PREPL: variants seen among roughly 807,000 people sequenced by gnomAD.
PREPL encodes the protein prolyl endopeptidase like, also known as prolyl endopeptidase-like.
Under a neutral mutation model 70.6 loss-of-function variants are expected in PREPL, and 77 were observed. That is an observed-to-expected ratio of 1.09 (90% confidence interval 0.91 to 1.32). PREPL has a LOEUF of 1.32. Among genes scored for constraint, PREPL ranks in the 40% most tolerant of loss-of-function variants. The pLI is 0.00. For missense variants in PREPL, 1,002 were observed against 778.2 expected, an observed-to-expected ratio of 1.29 and a Z score of -3.42; for synonymous variants, 315 against 264.8, an observed-to-expected ratio of 1.19 and a Z score of -1.84.
At chr2:44,345,567 T>TG (rs1470971968) in intron 2 of PREPL, among the ~76,000 whole-genome samples, 3 of 152,008 alleles carry the variant, frequency 2.0e-5, no homozygotes, top group Non-Finnish European at 4.4e-5. Context: ...AGGCTGGTCT[T>TG]GAACTCTTGA....
intron 2 of PREPL, among the ~76,000 whole-genome samples, chr2:44,345,900 G>A (rs1197436008): frequency 2.6e-5 from 4 of 152,116 alleles, no homozygotes; most frequent in Admixed American, 2.6e-4. Context: ...TCAGCACTTT[G>A]GGAGGCTGAG....
In PREPL at chr2:44,320,380, G is replaced by T; in HGVS notation, c.*976C>A. The T allele has an allele frequency of 1.2e-6, 2 of 1,614,018 alleles. No individual in the cohort carries two copies. The highest frequency in any genetic ancestry group is 1.7e-6 in the Non-Finnish European group (2 of 1,179,928). On this transcript the variant is annotated 3_prime_UTR_variant, in exon 14 of 14. Transcript: ENST00000409411. Reference sequence around the variant, plus strand: ...ATCTTTATCGTGGTTCTGAATTTTGGAGAATCAACACTGTTAAATCTACAT... The same window carrying T: ...ATCTTTATCGTGGTTCTGAATTTTGTAGAATCAACACTGTTAAATCTACAT...
intron 1 of PREPL, among the ~76,000 whole-genome samples, chr2:44,352,727 G>A (rs1163846640): frequency 1.3e-5 from 2 of 151,738 alleles, no homozygotes; most frequent in Non-Finnish European, 2.9e-5. Context: ...AATTCAGACA[G>A]CATAAAACAT....
chr2:44,330,310 G>A (rs1440422471), intron 8 of PREPL, among the ~76,000 whole-genome samples: 1 of 152,184 alleles, frequency 6.6e-6, no homozygotes, highest in Non-Finnish European at 1.5e-5. Flanking sequence ...AAATGCCTGT[G>A]GAAAGGTATA....
intron 1 of PREPL, among the ~76,000 whole-genome samples, chr2:44,358,067 T>A (rs112297940): frequency 1.3e-5 from 2 of 152,112 alleles, no homozygotes; most frequent in East Asian, 3.8e-4. Flanking sequence ...TCAGCTAAGA[T>A]AGCGGCAAAA....
chr2:44,337,217 C>CCCCT (rs1360463309), intron 7 of PREPL, among the ~76,000 whole-genome samples: 3 of 152,174 alleles, frequency 2.0e-5, no homozygotes, highest in African/African-American at 7.2e-5. Context: ...GGAATACCAT[C>CCCCT]CCCTCTCCAC....
intron 2 of PREPL, 114 bp from the exon 3 acceptor site, chr2:44,344,700 G>C: frequency 1.5e-6 from 1 of 665,742 alleles, no homozygotes. Context: ...ACCTGTTGAA[G>C]TATATGAATG....
intron 5 of PREPL, 67 bp downstream of exon 5, chr2:44,342,350 A>G: frequency 7.1e-7 from 1 of 1,402,406 alleles, no homozygotes; most frequent in Non-Finnish European, 9.6e-7. Flanking sequence ...AAGTCAACCA[A>G]AGTCAGTACT....
In PREPL at chr2:44,323,385, G is replaced by A. The variant is rs540005131; in HGVS notation, c.1506C>T (p.Thr502=). 1 of 1,600,214 alleles carries A rather than the reference G, an allele frequency of 6.2e-7. No individual in the cohort carries two copies. Among genetic ancestry groups the A allele is most frequent in the South Asian group, 1.1e-5 (1 of 88,432 alleles). The change falls in exon 11 of 14, where the codon ACC becomes ACT. Residue 502 remains threonine (T), a synonymous_variant. Transcript: ENST00000409411. ...TCAGAGGAAGTGTAGTGTCCATCATGGTGTTGAGAACATCCAAGAAAGGTG... is the reference window on the plus strand; with the variant it reads ...TCAGAGGAAGTGTAGTGTCCATCATAGTGTTGAGAACATCCAAGAAAGGTG... ...LEAPFLDVLN[T]MMDTTLPLTL... is the part of the protein sequence containing the mutation.
intron 1 of PREPL, among the ~76,000 whole-genome samples, chr2:44,355,136 G>C (rs2582918): frequency 0.67 from 101,519 of 151,840 alleles, 34,533 homozygotes; most frequent in African/African-American, 0.74. Flanking sequence ...ATTCTCAACA[G>C]CCTCCAATCA....
chr2:44,320,232 T>G lies in PREPL; in HGVS notation c.*1124A>C. On this transcript the variant is annotated 3_prime_UTR_variant, in exon 14 of 14. Coordinates refer to ENST00000409411, the MANE Select transcript of PREPL (RefSeq NM_001171613.2). ...GACTCAGCCCAGATCGGCTTTGAAG[T>G]TATATCAAGATTTAAGTCTACTTCA... is the stretch of plus-strand genomic sequence containing the variant. 6.2e-7 allele frequency: 1 copy of G among 1,613,982 alleles called. No homozygotes were observed. Among genetic ancestry groups the G allele is most frequent in the South Asian group, 1.1e-5 (1 of 91,048 alleles).
chr2:44,332,258 A>G (rs975941861), intron 8 of PREPL, among the ~76,000 whole-genome samples: 2 of 152,130 alleles, frequency 1.3e-5, no homozygotes, highest in Admixed American at 6.5e-5. Context: ...CATGCTATAA[A>G]TTTTCTAATC....
intron 10 of PREPL, among the ~76,000 whole-genome samples, chr2:44,326,006 C>A (rs897232831): frequency 6.6e-6 from 1 of 152,122 alleles, no homozygotes; most frequent in Non-Finnish European, 1.5e-5. Flanking sequence ...AAATAAAGAG[C>A]CTATAAATCT....
chr2:44,356,745 G>A (rs367818952), intron 1 of PREPL, among the ~76,000 whole-genome samples: 1 of 152,062 alleles, frequency 6.6e-6, no homozygotes, highest in Non-Finnish European at 1.5e-5. Flanking sequence ...GGTAACAAGA[G>A]GTATAGAATC....
intron 1 of PREPL, among the ~76,000 whole-genome samples, chr2:44,347,650 T>C (rs1675971485): frequency 6.6e-6 from 1 of 152,234 alleles, no homozygotes. Flanking sequence ...TGGTTTGCCT[T>C]GTTTAAGCAA....
chr2:44,353,480 C>T (rs1037138988), intron 1 of PREPL, among the ~76,000 whole-genome samples: 6 of 151,334 alleles, frequency 4.0e-5, no homozygotes, highest in East Asian at 3.9e-4. Context: ...CCCAGCTACT[C>T]GGGGGGCCTT....
At chr2:44,339,905 A>C (rs1675029073) in intron 5 of PREPL, among the ~76,000 whole-genome samples, 1 of 152,192 alleles carries the variant, frequency 6.6e-6, no homozygotes, top group Non-Finnish European at 1.5e-5. Flanking sequence ...TTTTACAACA[A>C]AATAGAATAG....
intron 11 of PREPL, 70 bp from the exon 12 acceptor site, chr2:44,322,924 A>G (rs1673124410): frequency 6.5e-7 from 1 of 1,540,662 alleles, no homozygotes; most frequent in Non-Finnish European, 8.7e-7. Context: ...AGAGACTATG[A>G]AAAATAATTA....
intron 1 of PREPL, chr2:44,359,867 A>G (rs1677485145): frequency 1.7e-6 from 1 of 597,200 alleles, no homozygotes; most frequent in South Asian, 2.1e-5. Flanking sequence ...TAGGTTATGA[A>G]TAACTTCAGA....
Sources: gnomAD v4.1 joint callset for allele counts (sites outside exome capture counted in the v4.1 genomes callset) on GRCh38, gnomAD v4.1.1 for gene constraint, MANE v1.5 for transcripts, NCBI Gene and HGNC (gene_info 2026-07-23, HGNC 2026-07-21) for gene names.